Variants in NARS1 observed in about 807,000 individuals in gnomAD.
The protein encoded by NARS1 is asparagine--tRNA ligase, cytoplasmic.
Under a neutral mutation model 79.2 loss-of-function variants are expected in NARS1, and 65 were observed. The ratio of observed to expected loss-of-function variants is 0.82; its 90% CI spans 0.67 to 1.01. NARS1 has a LOEUF of 1.01. Among genes scored for constraint, NARS1 ranks in the 50% least tolerant of loss-of-function variants. The pLI, the probability that NARS1 is intolerant of heterozygous loss-of-function variation, is 0.00. For synonymous variants in NARS1, 229 were observed against 238.8 expected (o/e 0.96, Z 0.38); for missense variants, 649 against 673.8 (o/e 0.96, Z 0.41).
chr18:57,603,119 A>G (rs913046836), intron 11 of NARS1, among the ~76,000 whole-genome samples, 176 bp from the exon 12 acceptor site: 1 of 152,228 alleles, frequency 6.6e-6, no homozygotes, highest in East Asian at 1.9e-4. Context: ...AAAGAAATAA[A>G]CATATTCTTA....
intron 13 of NARS1, among the ~76,000 whole-genome samples, chr18:57,602,147 C>T (rs1236282255): frequency 2.0e-5 from 3 of 152,016 alleles, no homozygotes; most frequent in Non-Finnish European, 4.4e-5. Context: ...ACAAGCCGGC[C>T]GTTAAACAGG....
chr18:57,619,442 G>A (rs569660153), intron 2 of NARS1, among the ~76,000 whole-genome samples: 69 of 151,160 alleles, frequency 4.6e-4, no homozygotes, highest in African/African-American at 1.6e-3. Context: ...TGTTGCCCAG[G>A]CTGTTCTCAA....
chr18:57,608,929 T>C (rs913378903), intron 7 of NARS1, among the ~76,000 whole-genome samples: 1 of 152,186 alleles, frequency 6.6e-6, no homozygotes, highest in Non-Finnish European at 1.5e-5. Context: ...AGAGCAGACT[T>C]GCTAGGTCTT....
At chr18:57,607,381 C>T (rs1048322365) in intron 8 of NARS1, 48 bp from the exon 9 acceptor site, 11 of 1,610,120 alleles carry the variant, frequency 6.8e-6, no homozygotes, top group South Asian at 3.3e-5. Flanking sequence ...GTGAGCACCA[C>T]TATTCAAGTT....
At position 57,621,828 on chromosome 18, in the gene NARS1, C is replaced by G; in HGVS notation, c.-111G>C. 1 of 1,579,642 alleles carries G rather than the reference C, an allele frequency of 6.3e-7. No individual in the cohort carries two copies. Among genetic ancestry groups the G allele is most frequent in the South Asian group, 1.1e-5 (1 of 87,710 alleles). On this transcript the variant is annotated 5_prime_UTR_variant, in exon 1 of 14. Transcript: ENST00000256854. ...GCGATTCCGGCGTTGCATCAGAGAG[C>G]GTAGATCTGAGGGCGCCTGCGAGAA...
Position 57,609,273 on chromosome 18 carries a change from T to G in NARS1, c.579+84A>C, listed in dbSNP as rs1294175918. ...TCCCTCTGAAGAACCCTAATACATA[T>G]GCCAAATGTACAAACAAAGACACTG... On this transcript the variant is annotated intron_variant, in intron 7 of 13. Coordinates refer to ENST00000256854, the MANE Select transcript of NARS1 (RefSeq NM_004539.4). The G allele has an allele frequency of 2.7e-6, 3 of 1,117,372 alleles. No homozygotes were observed. In the East Asian group the frequency reaches 7.1e-5, roughly 26 times the overall value. 69.2% of individuals were successfully genotyped at this position (1,117,372 alleles called of 1,614,324 possible). A position where few individuals can be genotyped will look rare whatever the true frequency, so the allele number is the denominator to read the frequency against.
intron 7 of NARS1, among the ~76,000 whole-genome samples, chr18:57,607,884 T>C (rs2051572717): frequency 1.3e-5 from 2 of 151,736 alleles, no homozygotes; most frequent in South Asian, 4.2e-4. Context: ...TTTTTTTTTT[T>C]TGAGACGGAG....
intron 5 of NARS1, 27 bp from the exon 6 acceptor site, chr18:57,611,734 G>A: frequency 7.0e-7 from 1 of 1,429,822 alleles, no homozygotes. Flanking sequence ...AATAATTTAG[G>A]CAGACTGTTC....
At chr18:57,604,716 G>A (rs1440418950) in intron 11 of NARS1, among the ~76,000 whole-genome samples, 3 of 152,002 alleles carry the variant, frequency 2.0e-5, no homozygotes, top group Non-Finnish European at 2.9e-5. Flanking sequence ...ATAGGGAGAC[G>A]CCATCTCTAC....
chr18:57,621,757 C>A lies in NARS1; in HGVS notation c.-40G>T. On this transcript the variant is annotated 5_prime_UTR_variant, in exon 1 of 14. Transcript: ENST00000256854. The stretch of plus-strand genomic sequence containing the variant: ...TGGTCACCTCCAAGGACACAGACTG[C>A]AACACCGACGCCGTCTTATGACTCC... 4 of 1,613,836 alleles carry A rather than the reference C, an allele frequency of 2.5e-6. No homozygotes were observed. Among genetic ancestry groups the A allele is most frequent in the Non-Finnish European group, 3.4e-6 (4 of 1,180,000 alleles).
At chr18:57,604,953 C>T (rs1249367533) in intron 11 of NARS1, among the ~76,000 whole-genome samples, 1 of 151,948 alleles carries the variant, frequency 6.6e-6, no homozygotes, top group Non-Finnish European at 1.5e-5. Context: ...AACCGAAATG[C>T]TAAGTTTACC....
Position 57,602,406 on chromosome 18 carries a change from A to G in NARS1, c.1464T>C (p.Gly488=). The change falls in exon 13 of 14, where the codon GGT becomes GGC. Residue 488 remains glycine (G), a synonymous_variant. Coordinates refer to ENST00000256854, the MANE Select transcript of NARS1 (RefSeq NM_004539.4). ...TGGGGTCAATCCCTTCCCTTTTATA[A>G]CCTGCCAGTATTTCTTCACTATCAA... ...RIFDSEEILA[G]YKREGIDPTP... is the part of the protein sequence containing the mutation. The G allele has an allele frequency of 6.2e-7, 1 of 1,613,946 alleles. No homozygotes were observed. Among genetic ancestry groups the G allele is most frequent in the Non-Finnish European group, 8.5e-7 (1 of 1,179,848 alleles).
intron 4 of NARS1, among the ~76,000 whole-genome samples, chr18:57,615,007 T>C (rs539298346): frequency 5.4e-4 from 82 of 151,178 alleles, no homozygotes; most frequent in African/African-American, 1.6e-3. Flanking sequence ...AGACTGTTTC[T>C]ACAAAAATTA....
intron 11 of NARS1, among the ~76,000 whole-genome samples, chr18:57,604,008 A>G (rs2051532634): frequency 2.0e-5 from 3 of 152,248 alleles, no homozygotes; most frequent in South Asian, 2.1e-4. Flanking sequence ...CTAGGCATTT[A>G]GCTCCGGTAG....
chr18:57,619,362 ATTTT>A (rs892692315), intron 2 of NARS1, among the ~76,000 whole-genome samples: 1 of 127,670 alleles, frequency 7.8e-6, no homozygotes, highest in African/African-American at 3.0e-5. Context: ...GTCTCTATTT[ATTTT>A]TTAAATTAAA....
At chr18:57,602,307 A>AAAAATT in intron 13 of NARS1, 48 bp downstream of exon 13, 2 of 1,580,838 alleles carry the variant, frequency 1.3e-6, no homozygotes, top group African/African-American at 2.7e-5. Context: ...TATATACAGA[A>AAAAATT]CGATTACAGT....
In NARS1 at chr18:57,611,805, C is replaced by A. The variant is rs1165988161; in HGVS notation, c.422-98G>T. ...AAAGATAGGGTCTCACTTCGTCACC[C>A]AGGCTAGAGTGCAGTGGCACAATCA... On this transcript the variant is annotated intron_variant, in intron 5 of 13. Transcript: ENST00000256854. 3 of 556,266 alleles carry A rather than the reference C, an allele frequency of 5.4e-6. No homozygotes were observed. In the Admixed American group the frequency reaches 1.3e-4, roughly 25 times the overall value. 34.5% of individuals were successfully genotyped at this position (556,266 alleles called of 1,614,324 possible). A position where few individuals can be genotyped will look rare whatever the true frequency, so the allele number is the denominator to read the frequency against.
At chr18:57,611,583 A>C (rs2051605108) in intron 6 of NARS1, 54 bp downstream of exon 6, 1 of 1,174,302 alleles carries the variant, frequency 8.5e-7, no homozygotes, top group Admixed American at 2.3e-5. Context: ...AAAACAATAA[A>C]GGAATCTACT....
intron 9 of NARS1, 39 bp downstream of exon 9, chr18:57,607,095 T>C (rs1348829051): frequency 8.4e-6 from 13 of 1,546,670 alleles, no homozygotes; most frequent in South Asian, 7.0e-5. Context: ...TCTAAAGATA[T>C]TACCTAGAAA....
Sources: allele counts gnomAD v4.1 joint callset (sites outside exome capture counted in the v4.1 genomes callset), GRCh38; gene constraint gnomAD v4.1.1; transcripts MANE v1.5; gene names NCBI Gene and HGNC (gene_info 2026-07-23, HGNC 2026-07-21).